The following GPHN variants were observed in gnomAD, a reference collection of about 807,000 sequenced individuals.
GPHN encodes gephyrin.
GPHN carries 17 observed loss-of-function variants against 95.5 expected under a neutral mutation model. The observed-to-expected ratio is 0.18, with a 90% CI of 0.12 to 0.27. GPHN has a LOEUF of 0.27. Ranked by LOEUF, GPHN falls within the 10% of genes least tolerant of loss-of-function variation. The probability of loss-of-function intolerance (pLI) is 1.00; values close to 1 mark genes in which losing one functional copy is unlikely to be tolerated. For missense variants in GPHN, 660 were observed against 978.1 expected, an observed-to-expected ratio of 0.67 and a Z score of 4.34; for synonymous variants, 320 against 322.5, an observed-to-expected ratio of 0.99 and a Z score of 0.08.
the GPHN span, among the ~76,000 whole-genome samples, chr14:67,598,558 G>A: frequency 6.6e-6 from 1 of 152,174 alleles, no homozygotes; most frequent in Admixed American, 6.5e-5. Flanking sequence ...CAGTCAGTGG[G>A]CATTTAATAA....
At chr14:66,972,619 T>G (rs927500608) in intron 9 of GPHN, among the ~76,000 whole-genome samples, 5 of 151,932 alleles carry the variant, frequency 3.3e-5, no homozygotes, top group African/African-American at 1.2e-4. Context: ...ATTTTCCCAT[T>G]TTGTCACATT....
chr14:67,384,680 A>C, the GPHN span: 1 of 152,242 alleles, frequency 6.6e-6, no homozygotes, highest in Non-Finnish European at 1.5e-5. Flanking sequence ...TGTGTTGGGC[A>C]GGTAGTTTGT....
intron 8 of GPHN, among the ~76,000 whole-genome samples, chr14:66,955,621 T>A (rs550898937): frequency 6.6e-6 from 1 of 152,334 alleles, no homozygotes; most frequent in South Asian, 2.1e-4. Flanking sequence ...TACATATGTA[T>A]ACATGTGCCA....
At position 67,165,186 on chromosome 14, in the gene GPHN, G is replaced by C. The variant is rs1430232015; in HGVS notation, c.1935G>C (p.Leu645Phe). ...GCTTGCCAACAACATTTGCAACTTT[G>C]GATATTGATGGTGTAAGAAAAATAA... ...KPGLPTTFAT[L>F]DIDGVRKIIF... Residue 645 changes from leucine to phenylalanine, a missense_variant, in exon 20 of 23, where the codon TTG becomes TTC. Physicochemically the swap from Leu to Phe is conservative, Grantham distance 22 (BLOSUM62 0). Coordinates refer to ENST00000478722, the MANE Select transcript of GPHN (RefSeq NM_020806.5). 8.1e-6 allele frequency: 13 copies of C among 1,609,748 alleles called. No homozygotes were observed. Among genetic ancestry groups the C allele is most frequent in the Non-Finnish European group, 1.1e-5 (13 of 1,176,296 alleles).
the GPHN span, chr14:67,691,214 T>C: frequency 1.4e-5 from 23 of 1,613,860 alleles, no homozygotes; most frequent in African/African-American, 1.3e-4. Flanking sequence ...CACTCCTGCA[T>C]TGTTGATCAA....
At chr14:67,666,216 A>G in the GPHN span, among the ~76,000 whole-genome samples, 1 of 152,210 alleles carries the variant, frequency 6.6e-6, no homozygotes, top group Non-Finnish European at 1.5e-5. Context: ...AACTGTGTTT[A>G]GTCATAAATT....
the GPHN span, among the ~76,000 whole-genome samples, chr14:67,315,291 T>A: frequency 6.8e-6 from 1 of 147,030 alleles, no homozygotes; most frequent in African/African-American, 2.5e-5. Context: ...TTTTTTTTTT[T>A]TTTGAGACAA....
chr14:67,693,413 G>A, the GPHN span, among the ~76,000 whole-genome samples: 3 of 152,002 alleles, frequency 2.0e-5, no homozygotes, highest in Non-Finnish European at 4.4e-5. Context: ...AGTTTCTGTA[G>A]GTCAATCTGT....
the GPHN span, among the ~76,000 whole-genome samples, chr14:67,330,766 TTTTCTC>T: frequency 2.3e-4 from 35 of 152,216 alleles, no homozygotes; most frequent in African/African-American, 6.8e-4. Context: ...GCTTCCTTGT[TTTTCTC>T]TTTAACACAT....
At chr14:66,851,678 G>C (rs994133489) in intron 4 of GPHN, among the ~76,000 whole-genome samples, 1 of 152,110 alleles carries the variant, frequency 6.6e-6, no homozygotes, top group Non-Finnish European at 1.5e-5. Flanking sequence ...GGAAAAGTAG[G>C]TAAGGTCAGA....
At chr14:67,120,917 G>T (rs2078980004) in intron 16 of GPHN, among the ~76,000 whole-genome samples, 1 of 152,260 alleles carries the variant, frequency 6.6e-6, no homozygotes, top group Admixed American at 6.5e-5. Flanking sequence ...TTTTCCTGTA[G>T]CCTATTGTAA....
intron 11 of GPHN, among the ~76,000 whole-genome samples, chr14:67,075,291 TTA>T (rs1301116962): frequency 5.3e-5 from 8 of 152,200 alleles, no homozygotes; most frequent in African/African-American, 1.7e-4. Context: ...GGTTTACTGA[TTA>T]TGTTAAGTCT....
chr14:66,637,631 A>G (rs1318791142), intron 1 of GPHN, among the ~76,000 whole-genome samples: 1 of 152,170 alleles, frequency 6.6e-6, no homozygotes. Flanking sequence ...ACAAACACTT[A>G]AAAGGACTAC....
At chr14:66,981,386 G>T (rs1301628611) in intron 9 of GPHN, among the ~76,000 whole-genome samples, 1 of 151,948 alleles carries the variant, frequency 6.6e-6, no homozygotes, top group Non-Finnish European at 1.5e-5. Flanking sequence ...ATATTATAGT[G>T]AAGTGAAATA....
chr14:67,601,688 G>A, the GPHN span, among the ~76,000 whole-genome samples: 4 of 151,914 alleles, frequency 2.6e-5, no homozygotes, highest in East Asian at 1.9e-4. Flanking sequence ...AGATCACTTG[G>A]GTCAGGAGTT....
At chr14:67,582,340 G>C in the GPHN span, 14 of 1,498,694 alleles carry the variant, frequency 9.3e-6, no homozygotes, top group Non-Finnish European at 1.3e-5. The surrounding 1 kb of genome is among the most constrained non-coding windows in gnomAD (Gnocchi z 5.0). Context: ...GCCATCTCTG[G>C]GATGGAAAGC....
At chr14:67,051,074 G>A (rs2075284230) in intron 10 of GPHN, among the ~76,000 whole-genome samples, 1 of 152,230 alleles carries the variant, frequency 6.6e-6, no homozygotes. Context: ...GACTGCCTAA[G>A]ACAACCAAGT....
chr14:66,579,470 C>A (rs2061058657), intron 1 of GPHN, among the ~76,000 whole-genome samples: 1 of 150,496 alleles, frequency 6.6e-6, no homozygotes, highest in Non-Finnish European at 1.5e-5. Flanking sequence ...AGACTCATTT[C>A]ATCTTTAAGG....
intron 6 of GPHN, among the ~76,000 whole-genome samples, chr14:66,916,951 A>C (rs1464383979): frequency 6.6e-6 from 1 of 152,230 alleles, no homozygotes; most frequent in Non-Finnish European, 1.5e-5. Flanking sequence ...GAATATGCCT[A>C]AGATTTGGCC....
Sources: gnomAD v4.1 joint callset for allele counts (sites outside exome capture counted in the v4.1 genomes callset) on GRCh38, gnomAD v4.1.1 for gene constraint, Gnocchi (gnomAD v3.1) non-coding constraint, MANE v1.5 for transcripts, NCBI Gene and HGNC (gene_info 2026-07-23, HGNC 2026-07-21) for gene names.